The following HDHD5 variants were observed in gnomAD, a reference collection of about 807,000 sequenced individuals.
HDHD5 encodes haloacid dehalogenase-like hydrolase domain-containing 5.
A neutral mutation model predicts 35.5 loss-of-function variants in HDHD5; 34 were observed. The observed-to-expected ratio is 0.96, with a 90% CI of 0.73 to 1.28. The LOEUF is 1.28. HDHD5 is among the 50% of genes most tolerant of loss of function. The pLI is 0.00. For synonymous variants in HDHD5, 248 were observed against 240.6 expected, an observed-to-expected ratio of 1.03 and a Z score of -0.29; for missense variants, 589 against 560.2, an observed-to-expected ratio of 1.05 and a Z score of -0.52.
intron 1 of HDHD5, among the ~76,000 whole-genome samples, chr22:17,152,222 C>T (rs1475230548): frequency 6.6e-6 from 1 of 152,114 alleles, no homozygotes; most frequent in South Asian, 2.1e-4. Flanking sequence ...ATCATCAGAC[C>T]TGAACTATAG....
upstream of HDHD5, chr22:17,159,576 G>A: frequency 2.3e-6 from 1 of 432,510 alleles, no homozygotes; most frequent in South Asian, 1.6e-5. Context: ...CAGGCCCCAG[G>A]CCGGCCTCCC....
At position 17,138,661 on chromosome 22, in the gene HDHD5, C is replaced by A. The variant is rs1365446496; in HGVS notation, c.824G>T (p.Gly275Val). 3 of 1,614,094 alleles carry A rather than the reference C, an allele frequency of 1.9e-6. No homozygotes were observed. Among genetic ancestry groups the A allele is most frequent in the African/African-American group, 1.3e-5 (1 of 74,928 alleles). Reference sequence around the variant, plus strand: ...GAGGATGCTGGGTTTGCCCATCAGGCCCTCGTATCTCAGCTCCTTGCCCGT... The same window carrying A: ...GAGGATGCTGGGTTTGCCCATCAGGACCTCGTATCTCAGCTCCTTGCCCGT... ...KVTGKELRYE[G>V]LMGKPSILTY... The change falls in exon 7 of 8, where the codon GGC (glycine) becomes GTC (valine). Residue 275 changes from glycine (G) to valine (V), a missense_variant. Transcript: ENST00000336737.
chr22:17,158,441 C>G (rs917109862), intron 1 of HDHD5: 1 of 152,220 alleles, frequency 6.6e-6, no homozygotes, highest in African/African-American at 2.4e-5. Flanking sequence ...GCGTGAGAGC[C>G]GTGGATCTGA....
chr22:17,142,943 T>C (rs1290624695), intron 5 of HDHD5, 155 bp downstream of exon 5: 2 of 670,990 alleles, frequency 3.0e-6, no homozygotes, highest in Non-Finnish European at 5.1e-6. Flanking sequence ...GTCTCAGAGG[T>C]GGTAAGTGGC....
chr22:17,160,348 A>C (rs1048547482), upstream of HDHD5, among the ~76,000 whole-genome samples: 4 of 151,600 alleles, frequency 2.6e-5, no homozygotes, highest in African/African-American at 9.7e-5. Context: ...CCCCTTCTCT[A>C]TTTTAAAAAT....
intron 5 of HDHD5, 122 bp downstream of exon 5, chr22:17,142,976 G>T: frequency 1.1e-6 from 1 of 926,148 alleles, no homozygotes; most frequent in Non-Finnish European, 1.6e-6. Flanking sequence ...GAGCCCAGGT[G>T]TCCTGACTCC....
intron 5 of HDHD5, chr22:17,141,436 T>G: frequency 7.4e-7 from 1 of 1,353,248 alleles, no homozygotes; most frequent in Non-Finnish European, 9.4e-7. Context: ...AGGAAGGAGA[T>G]TCCTGAGGGC....
In HDHD5 at chr22:17,138,608, TG is replaced by T; in HGVS notation, c.876del (p.Arg293GlyfsTer48). The T allele has an allele frequency of 6.2e-7, 1 of 1,614,234 alleles. No individual in the cohort carries two copies. The highest frequency in any genetic ancestry group is 8.5e-7 in the Non-Finnish European group (1 of 1,180,034). On this transcript the variant is annotated frameshift_variant, in exon 7 of 8. Transcript: ENST00000336737. LOFTEE classifies it high-confidence loss of function. Reference sequence around the variant, plus strand: ...CAGCCCCGCCTCTCCGCCTGTCGCCTGATCAGGTCCTCGGCATACTGGTAAG... The same window carrying T: ...CAGCCCCGCCTCTCCGCCTGTCGCCTATCAGGTCCTCGGCATACTGGTAAG... The part of the protein sequence containing the change: ...ILTYQYAEDL[I>X]RRQAERRGWA...
upstream of HDHD5, among the ~76,000 whole-genome samples, chr22:17,162,347 C>G (rs1364616279): frequency 2.0e-5 from 3 of 152,230 alleles, no homozygotes; most frequent in Non-Finnish European, 1.5e-5. Flanking sequence ...ATTCGTTATA[C>G]AGCAAAAGAT....
intron 1 of HDHD5, among the ~76,000 whole-genome samples, chr22:17,155,305 G>C (rs1234708323): frequency 1.3e-5 from 2 of 151,110 alleles, no homozygotes; most frequent in African/African-American, 2.4e-5. Flanking sequence ...GAGTGCAGTG[G>C]TGCAATCTCG....
chr22:17,138,573 G>A lies in HDHD5; in HGVS notation c.912C>T (p.Pro304=), dbSNP rs2061562316. ...ACCCCACAGCATAGAGCTTCCGGATGGGGGCGGCCCAGCCCCGCCTCTCCG... is the reference window on the plus strand; with the variant it reads ...ACCCCACAGCATAGAGCTTCCGGATAGGGGCGGCCCAGCCCCGCCTCTCCG... ...RQAERRGWAA[P]IRKLYAVGDN... is the part of the protein sequence containing the mutation. The change falls in exon 7 of 8, where the codon CCC becomes CCT. Residue 304 remains proline (P), a synonymous_variant. Transcript: ENST00000336737. The A allele has an allele frequency of 3.1e-6, 5 of 1,613,994 alleles. No homozygotes were observed. The highest frequency in any genetic ancestry group is 1.7e-5 in the Admixed American group (1 of 59,994).
upstream of HDHD5, among the ~76,000 whole-genome samples, chr22:17,162,158 T>C (rs1283738760): frequency 6.6e-6 from 1 of 152,210 alleles, no homozygotes; most frequent in Admixed American, 6.5e-5. Context: ...ATCCTACCAG[T>C]AGTCAGGAGA....
chr22:17,139,493 A>G (rs1314939656), intron 6 of HDHD5, among the ~76,000 whole-genome samples: 1 of 151,360 alleles, frequency 6.6e-6, no homozygotes, highest in Non-Finnish European at 1.5e-5. Flanking sequence ...GCACCACTGC[A>G]TTCCAGCCTG....
At chr22:17,139,096 T>C (rs2061569898) in intron 6 of HDHD5, among the ~76,000 whole-genome samples, 1 of 152,202 alleles carries the variant, frequency 6.6e-6, no homozygotes, top group African/African-American at 2.4e-5. Flanking sequence ...TGGTGTCCAT[T>C]TTCAGCTGAC....
intron 4 of HDHD5, among the ~76,000 whole-genome samples, chr22:17,144,242 G>A (rs1161531952): frequency 1.3e-5 from 2 of 151,902 alleles, no homozygotes; most frequent in Non-Finnish European, 2.9e-5. Context: ...AAAGCCGTTC[G>A]CTTCTCTGGG....
intron 4 of HDHD5, among the ~76,000 whole-genome samples, chr22:17,144,556 G>C (rs1430933636): frequency 6.6e-5 from 10 of 151,938 alleles, no homozygotes; most frequent in African/African-American, 2.2e-4. Context: ...TGGGATTATA[G>C]GCATCCATCA....
intron 1 of HDHD5, among the ~76,000 whole-genome samples, chr22:17,156,280 G>A (rs909952275): frequency 3.3e-5 from 5 of 152,114 alleles, no homozygotes; most frequent in Non-Finnish European, 5.9e-5. Flanking sequence ...GGGCTAGTAG[G>A]TGTTTGTGTC....
At chr22:17,144,705 T>C (rs2061640125) in intron 4 of HDHD5, among the ~76,000 whole-genome samples, 2 of 152,020 alleles carry the variant, frequency 1.3e-5, no homozygotes, top group South Asian at 4.1e-4. Context: ...TGACCCACCA[T>C]GCCTGGACAA....
chr22:17,158,874 A>C (rs780231205), intron 1 of HDHD5: 1 of 285,658 alleles, frequency 3.5e-6, no homozygotes, highest in African/African-American at 2.2e-5. Flanking sequence ...GGGGCTGACA[A>C]GCAGCCTGGC....
Sources: allele counts gnomAD v4.1 joint callset (sites outside exome capture counted in the v4.1 genomes callset), GRCh38; gene constraint gnomAD v4.1.1; transcripts MANE v1.5; gene names NCBI Gene and HGNC (gene_info 2026-07-23, HGNC 2026-07-21).